TDRD5: variants seen among roughly 807,000 people sequenced by gnomAD.
TDRD5 encodes the protein tudor domain-containing protein 5.
In TDRD5, 41 loss-of-function variants were observed where a neutral mutation model predicts 120.6. That is an observed-to-expected ratio of 0.34 (90% CI 0.26 to 0.44). TDRD5 has a LOEUF of 0.44. Among genes scored for constraint, TDRD5 ranks in the 20% least tolerant of loss-of-function variants. The pLI is 1.00. For missense variants in TDRD5, 1,006 were observed against 1,221.2 expected, an observed-to-expected ratio of 0.82 and a Z score of 2.63; for synonymous variants, 430 against 433.7, an observed-to-expected ratio of 0.99 and a Z score of 0.11.
chr1:179,647,480 C>A (rs1329016682), intron 11 of TDRD5, among the ~76,000 whole-genome samples: 2 of 152,002 alleles, frequency 1.3e-5, no homozygotes, highest in Non-Finnish European at 2.9e-5. Context: ...AAACGTTAGA[C>A]CTAAAACCAT....
At chr1:179,634,773 A>T in intron 8 of TDRD5, 144 bp downstream of exon 8, 1 of 1,014,474 alleles carries the variant, frequency 9.9e-7, no homozygotes, top group Non-Finnish European at 1.4e-6. Context: ...TTTGTATTGA[A>T]GTTATGTCAT....
intron 3 of TDRD5, 68 bp from the exon 4 acceptor site, chr1:179,595,560 A>C: frequency 7.2e-7 from 1 of 1,393,916 alleles, no homozygotes. Context: ...CTCTGTATGT[A>C]GCCACCGGAA....
chr1:179,602,434 G>T (rs2101922246), intron 4 of TDRD5, among the ~76,000 whole-genome samples: 1 of 152,100 alleles, frequency 6.6e-6, no homozygotes, highest in Middle Eastern at 3.4e-3. Flanking sequence ...TGGGTTTTTG[G>T]TCATGAAATC....
chr1:179,601,205 T>C (rs374807078), intron 4 of TDRD5, among the ~76,000 whole-genome samples: 3 of 152,252 alleles, frequency 2.0e-5, no homozygotes, highest in African/African-American at 7.2e-5. Flanking sequence ...GATTTGTCTA[T>C]TTTACCTTTT....
At chr1:179,676,501 G>A (rs1040338300) in intron 17 of TDRD5, among the ~76,000 whole-genome samples, 4 of 152,148 alleles carry the variant, frequency 2.6e-5, no homozygotes, top group Non-Finnish European at 4.4e-5. Flanking sequence ...TTGAGGATGT[G>A]TTTCAAGATT....
intron 6 of TDRD5, among the ~76,000 whole-genome samples, chr1:179,627,227 A>G (rs1190337121): frequency 6.6e-6 from 1 of 152,198 alleles, no homozygotes; most frequent in Non-Finnish European, 1.5e-5. Context: ...TCTTGTTCCC[A>G]TGAGCCCTTC....
rs1681105137 is a variant in TDRD5 at position 179,690,768 on chromosome 1, A to G, written c.2933A>G (p.Lys978Arg). The change falls in exon 18 of 18, where the codon AAG (lysine) becomes AGG (arginine). Residue 978 changes from lysine (K) to arginine (R), a missense_variant. By Grantham distance (26) the Lys-to-Arg change is conservative. Transcript: ENST00000444136. ...CGTGCTATTACATTGTACAAAGACA[A>G]GCGTCAAGAATCTGTAGACCAGCTG... ...SSRAITLYKD[K>R]RQESVDQLSL... is the part of the protein sequence containing the mutation. 2 of 1,614,236 alleles carry G rather than the reference A, an allele frequency of 1.2e-6. No individual in the cohort carries two copies. The highest frequency in any genetic ancestry group is 8.5e-7 in the Non-Finnish European group (1 of 1,180,038).
chr1:179,650,155 C>A (rs111955580), intron 11 of TDRD5, among the ~76,000 whole-genome samples: 7,577 of 152,136 alleles, frequency 0.05, 267 homozygotes, highest in Non-Finnish European at 0.069. Flanking sequence ...AATCCTAGAA[C>A]CTTGGGAGGC....
At chr1:179,635,487 G>A (rs560379775) in intron 8 of TDRD5, among the ~76,000 whole-genome samples, 180 bp from the exon 9 acceptor site, 1 of 152,082 alleles carries the variant, frequency 6.6e-6, no homozygotes, top group South Asian at 2.1e-4. Flanking sequence ...ATGCATAATT[G>A]TGGGCCCCAT....
At chr1:179,657,162 C>T (rs537813637) in intron 14 of TDRD5, among the ~76,000 whole-genome samples, 1 of 152,256 alleles carries the variant, frequency 6.6e-6, no homozygotes, top group African/African-American at 2.4e-5. Flanking sequence ...ATTTTAGAAT[C>T]AGCTTATCTA....
intron 8 of TDRD5, 57 bp downstream of exon 8, chr1:179,634,686 ATGTG>A (rs1397956421): frequency 1.5e-5 from 22 of 1,512,094 alleles, no homozygotes; most frequent in Non-Finnish European, 1.9e-5. Flanking sequence ...AAGTAAATGA[ATGTG>A]TGTTTCTTTA....
chr1:179,640,611 C>CT lies in TDRD5; in HGVS notation c.1800+166_1800+167insT, dbSNP rs1272774152. 9.2e-5 allele frequency among the ~76,000 whole-genome samples: 14 copies of CT among 152,204 alleles called. No individual in the cohort carries two copies. The East Asian group carries it at 2.7e-3, about 29-fold the overall frequency. ...GACATGTAGACAAAAATTGTTATGC[C>CT]ATATAAAATTTGCTATAGGAGAGGT... On this transcript the variant is annotated intron_variant, in intron 11 of 17. Coordinates refer to ENST00000444136, the MANE Select transcript of TDRD5 (RefSeq NM_001199085.3).
intron 11 of TDRD5, 64 bp from the exon 12 acceptor site, chr1:179,650,803 A>G: frequency 6.6e-7 from 1 of 1,518,290 alleles, no homozygotes. Flanking sequence ...TCATTGTTGT[A>G]TATGGTTATT....
chr1:179,686,642 G>A (rs193096435), intron 17 of TDRD5, among the ~76,000 whole-genome samples: 23 of 151,968 alleles, frequency 1.5e-4, no homozygotes, highest in African/African-American at 4.8e-4. Flanking sequence ...TGTACCTCTG[G>A]TAGAATTCGG....
At chr1:179,653,947 C>A (rs1678853357) in intron 13 of TDRD5, among the ~76,000 whole-genome samples, 1 of 152,224 alleles carries the variant, frequency 6.6e-6, no homozygotes, top group Non-Finnish European at 1.5e-5. Flanking sequence ...TCCTTTGGAG[C>A]CAGAATCTGT....
At chr1:179,653,236 T>C (rs1035563927) in intron 13 of TDRD5, among the ~76,000 whole-genome samples, 7 of 152,228 alleles carry the variant, frequency 4.6e-5, no homozygotes, top group African/African-American at 2.4e-5. Flanking sequence ...ATTGATACAA[T>C]GTCTTTTTAT....
intron 16 of TDRD5, among the ~76,000 whole-genome samples, 198 bp from the exon 17 acceptor site, chr1:179,668,996 G>A (rs1047036389): frequency 2.6e-5 from 4 of 151,704 alleles, no homozygotes; most frequent in African/African-American, 4.8e-5. Flanking sequence ...CGCCCGCCTC[G>A]GCCTCCCAAA....
chr1:179,600,497 A>G (rs1025871744), intron 4 of TDRD5, among the ~76,000 whole-genome samples: 3 of 152,188 alleles, frequency 2.0e-5, no homozygotes, highest in African/African-American at 2.4e-5. Flanking sequence ...CGTACATTCT[A>G]TGTTTGTACA....
intron 13 of TDRD5, 53 bp downstream of exon 13, chr1:179,652,250 AT>A (rs1161540241): frequency 3.4e-6 from 5 of 1,490,162 alleles, no homozygotes; most frequent in East Asian, 2.5e-5. Context: ...TGTAATCCTC[AT>A]TTTTTTAGAT....
Sources: gnomAD v4.1 joint callset for allele counts (sites outside exome capture counted in the v4.1 genomes callset) on GRCh38, gnomAD v4.1.1 for gene constraint, MANE v1.5 for transcripts, NCBI Gene and HGNC (gene_info 2026-07-23, HGNC 2026-07-21) for gene names.